IQCJ: variants seen among roughly 807,000 people sequenced by gnomAD.
The protein encoded by IQCJ is IQ motif containing J, also known as IQ domain-containing protein J.
A neutral mutation model predicts 11.0 loss-of-function variants in IQCJ; 9 were observed. The ratio of observed to expected loss-of-function variants is 0.82; its 90% CI spans 0.49 to 1.43. The LOEUF is 1.43. Ranked by LOEUF, IQCJ falls within the 40% of genes most tolerant of loss-of-function variation. The pLI, the probability that IQCJ is intolerant of heterozygous loss-of-function variation, is 0.00. For synonymous variants in IQCJ, 55 were observed against 51.3 expected (o/e 1.07, Z -0.31); for missense variants, 146 against 133.2 (o/e 1.10, Z -0.47).
At chr3:159,187,111 T>C (rs1273537548) in intron 1 of IQCJ, among the ~76,000 whole-genome samples, 2 of 152,254 alleles carry the variant, frequency 1.3e-5, no homozygotes, top group African/African-American at 4.8e-5. Context: ...ATTCTACAGT[T>C]AAATAAAAGC....
intron 1 of IQCJ, among the ~76,000 whole-genome samples, chr3:159,116,208 TG>T (rs1718988025): frequency 6.6e-6 from 1 of 151,640 alleles, no homozygotes; most frequent in African/African-American, 2.4e-5. Flanking sequence ...CACTCCAGCC[TG>T]GACAACAGAG....
intron 1 of IQCJ, among the ~76,000 whole-genome samples, chr3:159,131,119 A>G (rs1207559919): frequency 6.6e-6 from 1 of 152,210 alleles, no homozygotes; most frequent in Non-Finnish European, 1.5e-5. Context: ...AGGAATGAGC[A>G]CATACCTGGA....
intron 1 of IQCJ, among the ~76,000 whole-genome samples, chr3:159,132,678 C>T (rs764020625): frequency 2.6e-5 from 4 of 152,144 alleles, no homozygotes; most frequent in African/African-American, 4.8e-5. Flanking sequence ...CTGTGTGAGG[C>T]TCAAATTTAG....
At chr3:159,200,727 T>G (rs1724279032) in intron 1 of IQCJ, among the ~76,000 whole-genome samples, 1 of 152,192 alleles carries the variant, frequency 6.6e-6, no homozygotes, top group Admixed American at 6.5e-5. Flanking sequence ...CTGGCTGTAC[T>G]CGGACAGAGA....
chr3:159,182,219 A>C (rs1723130973), intron 1 of IQCJ, among the ~76,000 whole-genome samples: 1 of 151,702 alleles, frequency 6.6e-6, no homozygotes, highest in Admixed American at 6.6e-5. Context: ...TTTAAAAAAA[A>C]CAGGAAAGCC....
intron 1 of IQCJ, among the ~76,000 whole-genome samples, chr3:159,136,849 G>A (rs1720318374): frequency 6.6e-6 from 1 of 152,168 alleles, no homozygotes; most frequent in African/African-American, 2.4e-5. Context: ...ATCCAAGAAG[G>A]GAAGAGTAGA....
At chr3:159,150,007 G>A (rs1553780667) in intron 1 of IQCJ, among the ~76,000 whole-genome samples, 1 of 152,106 alleles carries the variant, frequency 6.6e-6, no homozygotes, top group Non-Finnish European at 1.5e-5. Context: ...TGCCTAAAAT[G>A]CCTAGCACTT....
intron 1 of IQCJ, among the ~76,000 whole-genome samples, chr3:159,137,263 GAAA>G (rs60336189): frequency 7.9e-6 from 1 of 127,086 alleles, no homozygotes; most frequent in Non-Finnish European, 1.7e-5. Context: ...CTCCATCTTG[GAAA>G]AAAAAAAAAA....
chr3:159,218,211 T>A (rs1725340687), intron 1 of IQCJ, among the ~76,000 whole-genome samples: 2 of 152,106 alleles, frequency 1.3e-5, no homozygotes, highest in African/African-American at 4.8e-5. Flanking sequence ...AAATTGAATA[T>A]TCAAGGTCAA....
intron 1 of IQCJ, among the ~76,000 whole-genome samples, chr3:159,232,451 CTTTTTTTTTT>C (rs35423818): frequency 1.2e-5 from 1 of 83,762 alleles, no homozygotes; most frequent in Non-Finnish European, 2.3e-5. Context: ...GAGAGACTTT[CTTTTTTTTTT>C]TTTTTTTTTT....
intron 1 of IQCJ, among the ~76,000 whole-genome samples, chr3:159,201,362 T>C (rs1724317148): frequency 6.6e-6 from 1 of 152,022 alleles, no homozygotes; most frequent in South Asian, 2.1e-4. Context: ...ATTTAGAAAA[T>C]GCCAAACAAA....
chr3:159,071,769 C>G (rs1213946748), intron 1 of IQCJ, among the ~76,000 whole-genome samples: 3 of 151,998 alleles, frequency 2.0e-5, no homozygotes, highest in African/African-American at 7.2e-5. Flanking sequence ...AGTATGACCT[C>G]CTACTGGCTT....
At chr3:159,184,555 TCCCCA>T (rs1723276933) in intron 1 of IQCJ, among the ~76,000 whole-genome samples, 1 of 152,174 alleles carries the variant, frequency 6.6e-6, no homozygotes, top group African/African-American at 2.4e-5. Context: ...GCTGGTGTAT[TCCCCA>T]AACCTACAAT....
Position 159,132,988 on chromosome 3 carries a change from TATA to T in IQCJ, c.9+63551_9+63553del, listed in dbSNP as rs2108164609. 1.3e-5 allele frequency among the ~76,000 whole-genome samples: 2 copies of T among 152,352 alleles called. 1 individual carries two copies. Among genetic ancestry groups the T allele is most frequent in the South Asian group, 4.1e-4 (2 of 4,830 alleles). On this transcript the variant is annotated intron_variant, in intron 1 of 3. Coordinates refer to ENST00000397832, the MANE Select transcript of IQCJ (RefSeq NM_001042706.3). ...TTTTGAGCCAACAAGCTCTGAGAAC[TATA>T]ATATTTGGTTTCAGTTTTTCTACAT...
At chr3:159,142,429 C>A (rs879280617) in intron 1 of IQCJ, among the ~76,000 whole-genome samples, 125 of 84,306 alleles carry the variant, frequency 1.5e-3, no homozygotes, top group Non-Finnish European at 2.8e-3. Context: ...CTTTTCCCCC[C>A]CCCACCAGAT....
At chr3:159,188,687 G>T (rs925322963) in intron 1 of IQCJ, among the ~76,000 whole-genome samples, 4 of 152,010 alleles carry the variant, frequency 2.6e-5, no homozygotes, top group Admixed American at 6.6e-5. Context: ...TTCCATTCAG[G>T]ATACTTTATT....
intron 1 of IQCJ, among the ~76,000 whole-genome samples, chr3:159,188,236 C>A (rs1313335648): frequency 7.2e-5 from 11 of 152,128 alleles, no homozygotes; most frequent in African/African-American, 2.4e-5. Context: ...CATGGTGAAA[C>A]CTTGTCTCTA....
At chr3:159,140,842 G>A (rs1002485670) in intron 1 of IQCJ, among the ~76,000 whole-genome samples, 7 of 152,210 alleles carry the variant, frequency 4.6e-5, no homozygotes, top group Non-Finnish European at 8.8e-5. Flanking sequence ...GCAGAAATGT[G>A]TTGTCTCACA....
Position 159,104,145 on chromosome 3 carries a change from C to T in IQCJ, c.9+34704C>T, listed in dbSNP as rs955616707. Among the ~76,000 whole-genome samples the T allele has an allele frequency of 2.0e-5, 3 of 152,208 alleles. No homozygotes were observed. The East Asian group carries it at 5.8e-4, about 29-fold the overall frequency. ...GGGCCATTTACTCTTCCCCAAATGT[C>T]CCATAAATATTCTTTCCTAGGACTG... is the stretch of plus-strand genomic sequence containing the variant. On this transcript the variant is annotated intron_variant, in intron 1 of 3. Transcript: ENST00000397832.
Sources: gnomAD v4.1 joint callset for allele counts (sites outside exome capture counted in the v4.1 genomes callset) on GRCh38, gnomAD v4.1.1 for gene constraint, MANE v1.5 for transcripts, NCBI Gene and HGNC (gene_info 2026-07-23, HGNC 2026-07-21) for gene names.